COL26A1: variants seen among roughly 807,000 people sequenced by gnomAD.
COL26A1 encodes collagen alpha-1(XXVI) chain.
A neutral mutation model predicts 59.3 loss-of-function variants in COL26A1; 41 were observed. That is an observed-to-expected ratio of 0.69 (90% confidence interval 0.54 to 0.90). The LOEUF is 0.90. Among genes scored for constraint, COL26A1 ranks in the 40% least tolerant of loss-of-function variants. The probability of loss-of-function intolerance (pLI) is 0.00; values close to 1 mark genes in which losing one functional copy is unlikely to be tolerated. For synonymous variants in COL26A1, 266 were observed against 256.0 expected (o/e 1.04, Z -0.37); for missense variants, 612 against 602.3 (o/e 1.02, Z -0.17).
chr7:101,368,952 TTGTG>T (rs1562950646), intron 1 of COL26A1, among the ~76,000 whole-genome samples: 1 of 90,362 alleles, frequency 1.1e-5, no homozygotes, highest in Non-Finnish European at 2.2e-5. Flanking sequence ...TGTAAGCAAT[TTGTG>T]TGTGTATGTG....
chr7:101,538,847 C>T (rs1439176535), intron 4 of COL26A1, among the ~76,000 whole-genome samples: 2 of 152,218 alleles, frequency 1.3e-5, no homozygotes, highest in Admixed American at 1.3e-4. Context: ...GAGGGAGCTA[C>T]TCAGGCAGAC....
At chr7:101,390,163 T>TTTG (rs1791694010) in intron 1 of COL26A1, among the ~76,000 whole-genome samples, 1 of 143,824 alleles carries the variant, frequency 7.0e-6, no homozygotes, top group Non-Finnish European at 1.5e-5. Flanking sequence ...TTTTTTTTTT[T>TTTG]TTTTTTTTTT....
chr7:101,530,174 T>C (rs1053935884), intron 3 of COL26A1, among the ~76,000 whole-genome samples: 1 of 151,680 alleles, frequency 6.6e-6, no homozygotes, highest in Admixed American at 6.6e-5. Context: ...GGTGGGTGAG[T>C]GAATAGGTGA....
intron 1 of COL26A1, among the ~76,000 whole-genome samples, chr7:101,418,950 T>A (rs1338938806): frequency 1.3e-5 from 2 of 152,046 alleles, no homozygotes; most frequent in African/African-American, 4.8e-5. Flanking sequence ...TCTTCCTTTC[T>A]CCTGGCTCCT....
intron 9 of COL26A1, 48 bp downstream of exon 9, chr7:101,549,271 G>A (rs537742850): frequency 3.0e-5 from 41 of 1,387,134 alleles, no homozygotes; most frequent in East Asian, 7.2e-5. Flanking sequence ...GGCGGGTGGC[G>A]GGTGGCCTTG....
chr7:101,373,301 C>T (rs941467627), intron 1 of COL26A1, among the ~76,000 whole-genome samples: 2 of 152,206 alleles, frequency 1.3e-5, no homozygotes, highest in African/African-American at 4.8e-5. Context: ...TCTCCAGTGC[C>T]TGGGGGACAC....
In COL26A1 at chr7:101,547,064, T is replaced by C. The variant is rs970675858; in HGVS notation, c.857-92T>C. ...GGGAGGAGCCCCCCTGGGCTTCGTG[T>C]GGCCTGGCTCAGGGCTCAGTGCCCC... On this transcript the variant is annotated intron_variant, in intron 7 of 12. Coordinates refer to ENST00000313669, the MANE Select transcript of COL26A1 (RefSeq NM_001278563.3). 2.5e-5 allele frequency: 21 copies of C among 853,392 alleles called. No homozygotes were observed. In the African/African-American group the frequency reaches 3.6e-4, roughly 15 times the overall value. 52.9% of individuals were successfully genotyped at this position (853,392 alleles called of 1,614,324 possible).
chr7:101,391,951 C>T (rs1418860952), intron 1 of COL26A1, among the ~76,000 whole-genome samples: 6 of 151,832 alleles, frequency 4.0e-5, no homozygotes, highest in African/African-American at 1.5e-4. Flanking sequence ...TTCCTGGTCT[C>T]AAGTGATCCT....
At chr7:101,429,589 CTTTTT>C (rs58432413) in intron 2 of COL26A1, among the ~76,000 whole-genome samples, 17 of 78,684 alleles carry the variant, frequency 2.2e-4, no homozygotes, top group African/African-American at 4.1e-4. Flanking sequence ...TTCTTTTTTA[CTTTTT>C]TTTTTTTTTT....
At chr7:101,420,686 C>G (rs1266750851) in intron 2 of COL26A1, among the ~76,000 whole-genome samples, 4 of 149,172 alleles carry the variant, frequency 2.7e-5, no homozygotes, top group African/African-American at 9.9e-5. Context: ...ACCAGCCACG[C>G]CCCTCACCAG....
chr7:101,387,007 G>A (rs1457359080), intron 1 of COL26A1, among the ~76,000 whole-genome samples: 1 of 152,268 alleles, frequency 6.6e-6, no homozygotes, highest in East Asian at 1.9e-4. Context: ...GCAGAGCCGG[G>A]GTAGGGTTAC....
intron 3 of COL26A1, among the ~76,000 whole-genome samples, chr7:101,510,664 T>C (rs1228207502): frequency 6.6e-6 from 1 of 151,982 alleles, no homozygotes; most frequent in Admixed American, 6.6e-5. Flanking sequence ...AGCACCACCA[T>C]GCCCAGCTAA....
At chr7:101,551,237 G>GGTTGGGGGGGGGT in intron 10 of COL26A1, 94 bp downstream of exon 10, 2 of 386,354 alleles carry the variant, frequency 5.2e-6, no homozygotes, top group Admixed American at 7.1e-5. Flanking sequence ...TGGTGGGGGG[G>GGTTGGGGGGGGGT]TTCAGCCCTG....
intron 3 of COL26A1, among the ~76,000 whole-genome samples, chr7:101,466,896 C>G (rs564664779): frequency 2.0e-5 from 3 of 151,054 alleles, no homozygotes; most frequent in Admixed American, 1.3e-4. Context: ...CAGTATGGAT[C>G]CCCTGAGTAC....
chr7:101,513,877 C>T (rs1221671968), intron 3 of COL26A1, among the ~76,000 whole-genome samples: 3 of 152,034 alleles, frequency 2.0e-5, no homozygotes, highest in Non-Finnish European at 4.4e-5. Context: ...ATTGGAAATA[C>T]GGCAGAAAGA....
At chr7:101,555,173 G>A (rs1795944718) in intron 11 of COL26A1, among the ~76,000 whole-genome samples, 1 of 152,114 alleles carries the variant, frequency 6.6e-6, no homozygotes, top group Non-Finnish European at 1.5e-5. Context: ...GGCTGACTCA[G>A]GTGTCTCTGT....
intron 3 of COL26A1, among the ~76,000 whole-genome samples, chr7:101,469,287 T>G (rs1211113520): frequency 1.3e-5 from 2 of 152,098 alleles, no homozygotes; most frequent in African/African-American, 4.8e-5. Context: ...AAATGGAGAC[T>G]GCTGTGGTTT....
At chr7:101,460,746 A>C (rs1278298564) in intron 3 of COL26A1, among the ~76,000 whole-genome samples, 5 of 151,218 alleles carry the variant, frequency 3.3e-5, no homozygotes, top group Admixed American at 2.7e-4. Flanking sequence ...ATGTCACTGC[A>C]CTCCAGCCTG....
chr7:101,507,238 T>G (rs978896865), intron 3 of COL26A1, among the ~76,000 whole-genome samples: 1 of 151,518 alleles, frequency 6.6e-6, no homozygotes, highest in Non-Finnish European at 1.5e-5. Flanking sequence ...CTTCTAATTC[T>G]CCTTGCTCAG....
Sources: gnomAD v4.1 joint callset for allele counts (sites outside exome capture counted in the v4.1 genomes callset) on GRCh38, gnomAD v4.1.1 for gene constraint, MANE v1.5 for transcripts, NCBI Gene and HGNC (gene_info 2026-07-23, HGNC 2026-07-21) for gene names.